The following GNE variants were observed in gnomAD, a reference collection of about 807,000 sequenced individuals.
The protein encoded by GNE is glucosamine (UDP-N-acetyl)-2-epimerase/N-acetylmannosamine kinase, also known as bifunctional UDP-N-acetylglucosamine 2-epimerase/N-acetylmannosamine kinase.
A neutral mutation model predicts 61.8 loss-of-function variants in GNE; 41 were observed. That is an observed-to-expected ratio of 0.66 (90% CI 0.52 to 0.86). The LOEUF (loss-of-function observed/expected upper bound fraction) is 0.86, where lower values mean the gene tolerates loss of function less well. GNE is among the 40% of genes least tolerant of loss of function. GNE has a pLI of 0.00. For synonymous variants in GNE, 264 were observed against 326.4 expected (o/e 0.81, Z 2.06); for missense variants, 608 against 909.1 (o/e 0.67, Z 4.26).
In GNE at chr9:36,216,271, C is replaced by T. The variant is rs1203343176; in HGVS notation, c.*1094G>A. 2.2e-6 allele frequency: 1 copy of T among 453,914 alleles called. No homozygotes were observed. Among genetic ancestry groups the T allele is most frequent in the East Asian group, 7.0e-5 (1 of 14,336 alleles). The allele number at this position is 453,914 out of a possible 1,614,324, so 28.1% of individuals were successfully genotyped here. A position where few individuals can be genotyped will look rare whatever the true frequency, so the allele number is the denominator to read the frequency against. ...AAGCCCTTCCTGGTAAGATTTCCCT[C>T]TGTTCTCTGACTGGATCACCTTCTG... On this transcript the variant is annotated 3_prime_UTR_variant, in exon 12 of 12. Coordinates refer to ENST00000642385, the MANE Select transcript of GNE (RefSeq NM_005476.7).
chr9:36,227,221 A>G lies in GNE; in HGVS notation c.1281+27T>C, dbSNP rs115052162. 1.4e-3 allele frequency: 2,108 copies of G among 1,468,336 alleles called. 28 individuals carry two copies. The African/African-American group carries it at 0.026, about 18-fold the overall frequency. 91.0% of individuals were successfully genotyped at this position (1,468,336 alleles called of 1,614,324 possible). A position where few individuals can be genotyped will look rare whatever the true frequency, so the allele number is the denominator to read the frequency against. ...AAATCAATCGCTCATATGGGATATA[A>G]AGTTAGGAGTTTAGGAGTTATTTTA... On this transcript the variant is annotated intron_variant, in intron 7 of 11. Transcript: ENST00000642385.
At chr9:36,265,127 C>G (rs77867715) in intron 1 of GNE, 10 of 285,702 alleles carry the variant, frequency 3.5e-5, no homozygotes, top group Non-Finnish European at 5.5e-5. Flanking sequence ...TGCTCCCGAT[C>G]GGGCTGAAGG....
chr9:36,221,203 C>A (rs1828571822), intron 9 of GNE, among the ~76,000 whole-genome samples: 1 of 152,174 alleles, frequency 6.6e-6, no homozygotes, highest in Non-Finnish European at 1.5e-5. Flanking sequence ...TTCCTGTAAT[C>A]TCAGCCATTT....
At chr9:36,229,201 C>A in intron 5 of GNE, 93 bp from the exon 6 acceptor site, 1 of 808,008 alleles carries the variant, frequency 1.2e-6, no homozygotes, top group South Asian at 1.3e-5. Flanking sequence ...ATAATTAGAC[C>A]TGAAATCCAG....
chr9:36,264,287 G>A (rs1035614766), intron 1 of GNE, among the ~76,000 whole-genome samples: 1 of 151,960 alleles, frequency 6.6e-6, no homozygotes. Context: ...CAGGCACCAC[G>A]ATGCCCGGCT....
At chr9:36,250,966 C>G (rs1830087026) in intron 1 of GNE, among the ~76,000 whole-genome samples, 2 of 152,194 alleles carry the variant, frequency 1.3e-5, no homozygotes, top group Admixed American at 1.3e-4. Context: ...CAGGCAAGAG[C>G]CATTGCGCCC....
intron 4 of GNE, among the ~76,000 whole-genome samples, chr9:36,236,451 C>T (rs1167419721): frequency 6.6e-6 from 1 of 152,134 alleles, no homozygotes; most frequent in Middle Eastern, 3.2e-3. Flanking sequence ...CTGCCTGCCT[C>T]GGCCTCCCAA....
At chr9:36,249,565 C>T (rs1192137658) in intron 1 of GNE, among the ~76,000 whole-genome samples, 168 bp from the exon 2 acceptor site, 2 of 151,990 alleles carry the variant, frequency 1.3e-5, no homozygotes, top group Non-Finnish European at 2.9e-5. Context: ...TGTGACTCTC[C>T]CATTGGTATA....
chr9:36,266,874 G>C (rs1830816863), intron 1 of GNE, among the ~76,000 whole-genome samples: 1 of 151,950 alleles, frequency 6.6e-6, no homozygotes, highest in Admixed American at 6.6e-5. Context: ...GCGCCAGCCT[G>C]GGTGACAAAG....
At chr9:36,219,541 A>C (rs1266384236) in intron 10 of GNE, among the ~76,000 whole-genome samples, 2 of 152,178 alleles carry the variant, frequency 1.3e-5, no homozygotes, top group Non-Finnish European at 2.9e-5. Flanking sequence ...TTCTTCATTA[A>C]AATGTGTATT....
intron 1 of GNE, among the ~76,000 whole-genome samples, chr9:36,272,917 CAAAA>C (rs59845826): frequency 2.6e-5 from 1 of 38,336 alleles, no homozygotes; most frequent in Admixed American, 3.5e-4. Flanking sequence ...AGTAAAAATA[CAAAA>C]AAAAAAAAAA....
chr9:36,272,620 CAAAAAAAAAAAAA>C (rs58934783), intron 1 of GNE, among the ~76,000 whole-genome samples: 1 of 74,094 alleles, frequency 1.3e-5, no homozygotes, highest in Admixed American at 2.0e-4. Context: ...GACTCCGCCT[CAAAAAAAAAAAAA>C]AAAAAAAAAA....
rs1190355673 is a variant in GNE, at chr9:36,215,544, G to T, written c.*1821C>A. Reference sequence around the variant, plus strand: ...GTGGCTCAGCAGCAAAAGCACAGAGGGACCTGGGATCAAACCCTCTCTCTA... The same window carrying T: ...GTGGCTCAGCAGCAAAAGCACAGAGTGACCTGGGATCAAACCCTCTCTCTA... On this transcript the variant is annotated 3_prime_UTR_variant, in exon 12 of 12. Coordinates refer to ENST00000642385, the MANE Select transcript of GNE (RefSeq NM_005476.7). 1 of 152,076 alleles carries T rather than the reference G, an allele frequency of 6.6e-6. No homozygotes were observed. Among genetic ancestry groups the T allele is most frequent in the Non-Finnish European group, 1.5e-5 (1 of 68,014 alleles). The allele number at this position is 152,076 out of a possible 1,614,324, so 9.4% of individuals were successfully genotyped here. A position where few individuals can be genotyped will look rare whatever the true frequency, so the allele number is the denominator to read the frequency against.
At chr9:36,260,473 T>C (rs896305704), upstream of GNE, among the ~76,000 whole-genome samples, 46 of 152,098 alleles carry the variant, frequency 3.0e-4, no homozygotes, top group South Asian at 1.4e-3. Context: ...CTATTAAATG[T>C]GCAGTGAGAT....
At chr9:36,243,510 C>T (rs574173103) in intron 3 of GNE, among the ~76,000 whole-genome samples, 18 of 152,222 alleles carry the variant, frequency 1.2e-4, no homozygotes, top group African/African-American at 3.9e-4. Flanking sequence ...ATTATCTAGA[C>T]GATCCCTTGA....
In GNE at chr9:36,214,691, T is replaced by C. The variant is rs528477954; in HGVS notation, c.*2674A>G. On this transcript the variant is annotated 3_prime_UTR_variant, in exon 12 of 12. Transcript: ENST00000642385. ...CTGATGTACAGAGCAGATTTCACCA[T>C]GAGAGATTACACCAAAGAACAGATG... 1.3e-5 allele frequency: 2 copies of C among 152,302 alleles called. No individual in the cohort carries two copies. Among genetic ancestry groups the C allele is most frequent in the African/African-American group, 4.8e-5 (2 of 41,560 alleles). 9.4% of individuals were successfully genotyped at this position (152,302 alleles called of 1,614,324 possible).
At chr9:36,250,766 C>T (rs753252410) in intron 1 of GNE, among the ~76,000 whole-genome samples, 1 of 152,288 alleles carries the variant, frequency 6.6e-6, no homozygotes, top group East Asian at 1.9e-4. Context: ...CTACTACCTC[C>T]GCCTCCCAGA....
chr9:36,262,934 C>G (rs1830656380), upstream of GNE, among the ~76,000 whole-genome samples: 1 of 152,148 alleles, frequency 6.6e-6, no homozygotes, highest in Admixed American at 6.6e-5. Flanking sequence ...AACATTGTAT[C>G]TATATTCATC....
intron 1 of GNE, among the ~76,000 whole-genome samples, chr9:36,273,882 G>A (rs963174185): frequency 4.6e-5 from 7 of 151,220 alleles, no homozygotes; most frequent in Non-Finnish European, 8.8e-5. Context: ...CGATCCACCC[G>A]CCTCGGCCCC....
Sources: allele counts gnomAD v4.1 joint callset (sites outside exome capture counted in the v4.1 genomes callset), GRCh38; gene constraint gnomAD v4.1.1; transcripts MANE v1.5; gene names NCBI Gene and HGNC (gene_info 2026-07-23, HGNC 2026-07-21).